ROBO1: variants seen among roughly 807,000 people sequenced by gnomAD.
ROBO1 encodes the protein roundabout guidance receptor 1, also known as roundabout homolog 1.
A neutral mutation model predicts 195.9 loss-of-function variants in ROBO1; 149 were observed. That is an observed-to-expected ratio of 0.76 (90% CI 0.67 to 0.87). The LOEUF is 0.87. Among genes scored for constraint, ROBO1 ranks in the 40% least tolerant of loss-of-function variants. ROBO1 has a pLI of 0.00. For synonymous variants in ROBO1, 816 were observed against 733.2 expected (o/e 1.11, Z -1.82); for missense variants, 1,933 against 2,068.3 (o/e 0.93, Z 1.27).
At chr3:78,741,679 C>T (rs1272681656) in intron 5 of ROBO1, among the ~76,000 whole-genome samples, 3 of 152,040 alleles carry the variant, frequency 2.0e-5, no homozygotes, top group African/African-American at 7.2e-5. Flanking sequence ...CAAAAGAACA[C>T]TTTAGTCCTC....
intron 2 of ROBO1, among the ~76,000 whole-genome samples, chr3:79,199,039 G>T (rs1187840794): frequency 6.6e-6 from 1 of 151,840 alleles, no homozygotes; most frequent in Non-Finnish European, 1.5e-5. Flanking sequence ...TTGCCTGATT[G>T]CCCTGGCCAG....
chr3:78,668,369 G>A, intron 12 of ROBO1, 67 bp from the exon 13 acceptor site: 2 of 1,594,408 alleles, frequency 1.3e-6, no homozygotes, highest in Non-Finnish European at 1.7e-6. Context: ...GATAAATGCA[G>A]ATAACATATT....
intron 3 of ROBO1, among the ~76,000 whole-genome samples, chr3:78,946,376 T>G (rs1282555213): frequency 6.6e-6 from 1 of 152,150 alleles, no homozygotes; most frequent in East Asian, 1.9e-4. Context: ...TTCAACATTC[T>G]TAAAGAAAAG....
intron 26 of ROBO1, among the ~76,000 whole-genome samples, chr3:78,623,515 C>T (rs1704576227): frequency 1.3e-5 from 2 of 152,208 alleles, no homozygotes; most frequent in South Asian, 4.1e-4. Context: ...GCTTTGATTG[C>T]TACATTAAGG....
chr3:78,962,051 C>T (rs1299126650), intron 3 of ROBO1, among the ~76,000 whole-genome samples: 1 of 151,884 alleles, frequency 6.6e-6, no homozygotes, highest in Non-Finnish European at 1.5e-5. Flanking sequence ...AATTCGTCAA[C>T]CCTCACATTT....
At chr3:79,470,451 C>A (rs909294670) in intron 2 of ROBO1, among the ~76,000 whole-genome samples, 3 of 152,006 alleles carry the variant, frequency 2.0e-5, no homozygotes, top group African/African-American at 4.8e-5. Context: ...AGGAGATATA[C>A]CTAATGTAAA....
intron 1 of ROBO1, among the ~76,000 whole-genome samples, chr3:79,684,045 C>A (rs191076290): frequency 6.6e-6 from 1 of 152,042 alleles, no homozygotes; most frequent in African/African-American, 2.4e-5. Flanking sequence ...AAAGTGTTTG[C>A]GCCATTTTAG....
At chr3:79,440,495 T>C (rs181797123) in intron 2 of ROBO1, among the ~76,000 whole-genome samples, 237 of 152,222 alleles carry the variant, frequency 1.6e-3, no homozygotes, top group African/African-American at 5.4e-3. Flanking sequence ...GCTAGACAAC[T>C]CTTACTTTAA....
At chr3:79,563,255 A>G (rs1942983853) in intron 2 of ROBO1, among the ~76,000 whole-genome samples, 1 of 152,228 alleles carries the variant, frequency 6.6e-6, no homozygotes, top group African/African-American at 2.4e-5. Context: ...AATTGACACC[A>G]TGAATGAAGT....
At chr3:78,629,373 A>C (rs1705032065) in intron 25 of ROBO1, among the ~76,000 whole-genome samples, 1 of 152,064 alleles carries the variant, frequency 6.6e-6, no homozygotes, top group South Asian at 2.1e-4. Context: ...AGCAGCAATG[A>C]ATGTTGTTAA....
At chr3:79,537,285 A>C (rs1941908952) in intron 2 of ROBO1, among the ~76,000 whole-genome samples, 1 of 152,098 alleles carries the variant, frequency 6.6e-6, no homozygotes, top group Non-Finnish European at 1.5e-5. Flanking sequence ...TCCTGAGCGA[A>C]AGATTTGGGA....
At chr3:79,686,088 A>G (rs1276071522) in intron 1 of ROBO1, among the ~76,000 whole-genome samples, 2 of 152,224 alleles carry the variant, frequency 1.3e-5, no homozygotes, top group Non-Finnish European at 2.9e-5. Flanking sequence ...CAATAAACAT[A>G]ATCCAGCATA....
intron 2 of ROBO1, among the ~76,000 whole-genome samples, chr3:79,500,592 C>T (rs1940016487): frequency 6.6e-6 from 1 of 152,202 alleles, no homozygotes; most frequent in South Asian, 2.1e-4. Flanking sequence ...CTGATGACTC[C>T]TCTTTACTAA....
At chr3:78,758,425 G>A (rs1163806204) in intron 4 of ROBO1, among the ~76,000 whole-genome samples, 1 of 151,370 alleles carries the variant, frequency 6.6e-6, no homozygotes, top group Non-Finnish European at 1.5e-5. Context: ...TTGGAAGGCT[G>A]AGGTGGGAGG....
At chr3:78,719,556 A>C (rs1162498238) in intron 5 of ROBO1, among the ~76,000 whole-genome samples, 1 of 152,136 alleles carries the variant, frequency 6.6e-6, no homozygotes, top group Admixed American at 6.5e-5. Context: ...ATACATACAC[A>C]TAATTTTTCT....
intron 10 of ROBO1, among the ~76,000 whole-genome samples, chr3:78,679,875 T>G (rs1353778287): frequency 1.3e-5 from 2 of 151,994 alleles, no homozygotes; most frequent in Admixed American, 1.3e-4. Context: ...CATCGCCAAG[T>G]CAATCCTAAG....
At chr3:78,717,573 C>T (rs560976902) in intron 6 of ROBO1, among the ~76,000 whole-genome samples, 160 bp from the exon 7 acceptor site, 3 of 152,218 alleles carry the variant, frequency 2.0e-5, no homozygotes, top group African/African-American at 7.2e-5. Flanking sequence ...AGGTTTAGTG[C>T]TTCCTCCTAG....
At chr3:78,741,501 T>C (rs927048206) in intron 5 of ROBO1, among the ~76,000 whole-genome samples, 3 of 152,218 alleles carry the variant, frequency 2.0e-5, no homozygotes, top group Non-Finnish European at 2.9e-5. Flanking sequence ...TTTTAGTTTT[T>C]AGATTGAACA....
chr3:78,623,665 G>A (rs1171950306), intron 26 of ROBO1, among the ~76,000 whole-genome samples: 1 of 152,210 alleles, frequency 6.6e-6, no homozygotes, highest in Non-Finnish European at 1.5e-5. Context: ...GAGCAAGGCT[G>A]AAGCAACAAG....
Sources: allele counts gnomAD v4.1 joint callset (sites outside exome capture counted in the v4.1 genomes callset), GRCh38; gene constraint gnomAD v4.1.1; transcripts MANE v1.5; gene names NCBI Gene and HGNC (gene_info 2026-07-23, HGNC 2026-07-21).